Variants in MBD5 observed in about 807,000 individuals in gnomAD.
MBD5 encodes the protein methyl-CpG-binding domain protein 5.
Under a neutral mutation model 117.3 loss-of-function variants are expected in MBD5, and 13 were observed. The ratio of observed to expected loss-of-function variants is 0.11; its 90% CI spans 0.07 to 0.18. MBD5 has a LOEUF of 0.18. MBD5 is among the 10% of genes least tolerant of loss of function. The probability of loss-of-function intolerance (pLI) is 1.00; values close to 1 mark genes in which losing one functional copy is unlikely to be tolerated. For synonymous variants in MBD5, 727 were observed against 766.4 expected (o/e 0.95, Z 0.85); for missense variants, 1,879 against 2,093.8 (o/e 0.90, Z 2.00).
At chr2:148,395,443 T>C (rs1704681977) in intron 4 of MBD5, among the ~76,000 whole-genome samples, 3 of 150,658 alleles carry the variant, frequency 2.0e-5, no homozygotes, top group African/African-American at 7.3e-5. Context: ...TTTTTTTTTT[T>C]TCACAGAGTC....
At chr2:148,343,253 T>TGG (rs1257469704) in intron 4 of MBD5, among the ~76,000 whole-genome samples, 1 of 152,088 alleles carries the variant, frequency 6.6e-6, no homozygotes, top group Non-Finnish European at 1.5e-5. Flanking sequence ...ATGTGTCTTT[T>TGG]TGGGAGAACA....
At chr2:148,497,546 G>C (rs1014802266) in intron 11 of MBD5, among the ~76,000 whole-genome samples, 1 of 151,912 alleles carries the variant, frequency 6.6e-6, no homozygotes, top group Admixed American at 6.6e-5. Context: ...AAAAATTAGC[G>C]AGCATGATGC....
chr2:148,089,787 G>A lies in MBD5; in HGVS notation c.-925+68103G>A, dbSNP rs556346844. On this transcript the variant is annotated intron_variant, in intron 1 of 13. Coordinates refer to ENST00000642680, the MANE Select transcript of MBD5 (RefSeq NM_001378120.1). ...TCTAAGGTCAGACCTCAAGGAAGTA[G>A]AGAAACAAGAACAAACCAAATCCAA... Among the ~76,000 whole-genome samples the A allele has an allele frequency of 5.9e-5, 9 of 152,124 alleles. No individual in the cohort carries two copies. In the East Asian group the frequency reaches 1.2e-3, roughly 20 times the overall value.
At chr2:148,023,418 A>G (rs574414624) in intron 1 of MBD5, among the ~76,000 whole-genome samples, 61 of 152,318 alleles carry the variant, frequency 4.0e-4, no homozygotes, top group African/African-American at 1.4e-3. Context: ...TACATACCGA[A>G]ATAAAAAAGC....
intron 4 of MBD5, among the ~76,000 whole-genome samples, chr2:148,423,617 C>T (rs1347274786): frequency 1.3e-5 from 2 of 152,034 alleles, no homozygotes; most frequent in Non-Finnish European, 2.9e-5. Context: ...TAAAGACCAT[C>T]GACACTATGA....
At chr2:148,234,102 G>A (rs1021964779) in intron 3 of MBD5, among the ~76,000 whole-genome samples, 1 of 152,030 alleles carries the variant, frequency 6.6e-6, no homozygotes, top group Non-Finnish European at 1.5e-5. Context: ...ATATTTTTAA[G>A]TGTATAAGGA....
intron 4 of MBD5, among the ~76,000 whole-genome samples, chr2:148,451,081 T>C (rs892967013): frequency 6.6e-6 from 1 of 152,186 alleles, no homozygotes; most frequent in Non-Finnish European, 1.5e-5. Context: ...GTCAAGGACA[T>C]CTGAAGCTAG....
chr2:148,227,753 A>T (rs1699870718), intron 2 of MBD5, among the ~76,000 whole-genome samples: 1 of 152,128 alleles, frequency 6.6e-6, no homozygotes, highest in Non-Finnish European at 1.5e-5. Flanking sequence ...TGAGCATGGA[A>T]TGTTCTTCCA....
Position 148,064,291 on chromosome 2 carries a change from A to G in MBD5, c.-925+42607A>G, listed in dbSNP as rs966316053. Among the ~76,000 whole-genome samples, 31 of 150,616 alleles carry G rather than the reference A, an allele frequency of 2.1e-4. 1 individual carries two copies. The highest frequency in any genetic ancestry group is 7.4e-5 in the Non-Finnish European group (5 of 67,656). ...CCACCACGCCCGGCTAATTTTTTGT[A>G]TTTTTAGTAGAGACGGGGTTTCTCC... On this transcript the variant is annotated intron_variant, in intron 1 of 13. Coordinates refer to ENST00000642680, the MANE Select transcript of MBD5 (RefSeq NM_001378120.1).
intron 4 of MBD5, among the ~76,000 whole-genome samples, chr2:148,424,975 A>T (rs1422098009): frequency 5.3e-5 from 8 of 152,186 alleles, no homozygotes; most frequent in Non-Finnish European, 1.5e-5. Flanking sequence ...TTTTTAAAAA[A>T]CTAGAGAAGC....
intron 2 of MBD5, among the ~76,000 whole-genome samples, chr2:148,191,112 C>A (rs1698816975): frequency 1.2e-5 from 1 of 82,062 alleles, no homozygotes; most frequent in Non-Finnish European, 2.3e-5. Flanking sequence ...TAAAGCAAGT[C>A]CTGAGTGACC....
intron 1 of MBD5, among the ~76,000 whole-genome samples, chr2:148,119,945 G>A (rs1009018826): frequency 3.3e-5 from 5 of 149,530 alleles, no homozygotes; most frequent in East Asian, 2.0e-4. Flanking sequence ...ACTTTGTCAC[G>A]CATGCTCAAA....
intron 3 of MBD5, among the ~76,000 whole-genome samples, chr2:148,298,387 A>T (rs1180824352): frequency 6.6e-6 from 1 of 152,144 alleles, no homozygotes; most frequent in Non-Finnish European, 1.5e-5. Context: ...TGTCCTGCTG[A>T]GCTGGTGAGT....
At chr2:148,043,106 T>C (rs754237325) in intron 1 of MBD5, among the ~76,000 whole-genome samples, 1 of 151,996 alleles carries the variant, frequency 6.6e-6, no homozygotes, top group Non-Finnish European at 1.5e-5. Context: ...TTGCAGACTA[T>C]TGGACTCCAC....
chr2:148,323,119 GT>G (rs1702334582), intron 3 of MBD5, among the ~76,000 whole-genome samples: 2 of 151,760 alleles, frequency 1.3e-5, no homozygotes, highest in African/African-American at 4.8e-5. Context: ...TCTTGCGATA[GT>G]TTACTGAGAA....
At chr2:148,506,144 A>G (rs898970688) in intron 12 of MBD5, among the ~76,000 whole-genome samples, 9 of 152,218 alleles carry the variant, frequency 5.9e-5, no homozygotes, top group African/African-American at 1.9e-4. Flanking sequence ...TCCTCAATCA[A>G]ACTGTACAAC....
intron 4 of MBD5, among the ~76,000 whole-genome samples, chr2:148,416,235 A>G (rs1705413520): frequency 6.6e-6 from 1 of 152,196 alleles, no homozygotes; most frequent in Non-Finnish European, 1.5e-5. Context: ...ACCAAGGCTC[A>G]GCTCAGCACT....
chr2:148,445,367 A>G (rs1229297113), intron 4 of MBD5, among the ~76,000 whole-genome samples: 2 of 150,078 alleles, frequency 1.3e-5, no homozygotes, highest in Non-Finnish European at 2.9e-5. Flanking sequence ...GTTCTCACCT[A>G]TGAGTGAGAA....
chr2:148,352,847 G>A (rs978234982), intron 4 of MBD5, among the ~76,000 whole-genome samples: 25 of 152,046 alleles, frequency 1.6e-4, no homozygotes, highest in African/African-American at 5.8e-4. Flanking sequence ...ATAAGGTATT[G>A]CCTTCTTTTG....
Sources: allele counts gnomAD v4.1 joint callset (sites outside exome capture counted in the v4.1 genomes callset), GRCh38; gene constraint gnomAD v4.1.1; transcripts MANE v1.5; gene names NCBI Gene and HGNC (gene_info 2026-07-23, HGNC 2026-07-21).